Variants in ZFYVE28 observed in about 807,000 individuals in gnomAD.
The protein encoded by ZFYVE28 is lateral signaling target protein 2 homolog.
Under a neutral mutation model 82.1 loss-of-function variants are expected in ZFYVE28, and 40 were observed. The ratio of observed to expected loss-of-function variants is 0.49; its 90% CI spans 0.38 to 0.63. The LOEUF (loss-of-function observed/expected upper bound fraction) is 0.63. Among genes scored for constraint, ZFYVE28 ranks in the 30% least tolerant of loss-of-function variants. The pLI is 0.00. For synonymous variants in ZFYVE28, 612 were observed against 546.1 expected, an observed-to-expected ratio of 1.12 and a Z score of -1.68; for missense variants, 1,321 against 1,242.1, an observed-to-expected ratio of 1.06 and a Z score of -0.96.
rs866085074 is a variant in ZFYVE28, at chr4:2,332,965, G to T, written c.701+2740C>A. ...ACCCCCCTGGACAGGCCTGCTCCCT[G>T]GACTCTGGCTTTGGGCTCTTATGCC... On this transcript the variant is annotated intron_variant, in intron 6 of 12. Transcript: ENST00000290974. This position sits in a 1 kb window ranked among gnomAD's most constrained non-coding sequence, Gnocchi z 4.7. Among the ~76,000 whole-genome samples, 4 of 152,002 alleles carry T rather than the reference G, an allele frequency of 2.6e-5. No individual in the cohort carries two copies. The highest frequency in any genetic ancestry group is 3.2e-3 in the Middle Eastern group (1 of 316).
intron 8 of ZFYVE28, among the ~76,000 whole-genome samples, chr4:2,283,801 G>A (rs1712329069): frequency 1.3e-5 from 2 of 152,240 alleles, no homozygotes; most frequent in South Asian, 4.1e-4. Context: ...TCAGGCTGGA[G>A]AGAGGTCTGG....
chr4:2,384,295 T>C (rs1729027409), intron 1 of ZFYVE28, among the ~76,000 whole-genome samples: 1 of 152,114 alleles, frequency 6.6e-6, no homozygotes, highest in Non-Finnish European at 1.5e-5. Context: ...AGGAAACTGG[T>C]TTTGTAGGAA....
chr4:2,323,609 T>C (rs1274342560), intron 6 of ZFYVE28, among the ~76,000 whole-genome samples: 2 of 151,984 alleles, frequency 1.3e-5, no homozygotes, highest in Admixed American at 1.3e-4. Flanking sequence ...TAGTTACATA[T>C]GTATACATGT....
intron 1 of ZFYVE28, among the ~76,000 whole-genome samples, chr4:2,387,445 G>A (rs1729395201): frequency 6.6e-6 from 1 of 152,252 alleles, no homozygotes; most frequent in Non-Finnish European, 1.5e-5. Context: ...TGACGTCCTT[G>A]TCCTCGTGCT....
intron 1 of ZFYVE28, among the ~76,000 whole-genome samples, chr4:2,380,706 G>A (rs191307980): frequency 3.9e-5 from 6 of 152,274 alleles, no homozygotes; most frequent in South Asian, 2.1e-4. Context: ...TACTGTTCTC[G>A]TGTGAATAAG....
At chr4:2,385,247 C>T (rs923251627) in intron 1 of ZFYVE28, among the ~76,000 whole-genome samples, 2 of 152,210 alleles carry the variant, frequency 1.3e-5, no homozygotes, top group Non-Finnish European at 2.9e-5. Flanking sequence ...AGTGATGACC[C>T]TGGCCTGTAT....
chr4:2,315,762 T>C (rs187718311), intron 7 of ZFYVE28, among the ~76,000 whole-genome samples: 1 of 152,324 alleles, frequency 6.6e-6, no homozygotes. Flanking sequence ...GTATGCTGGT[T>C]GGTTTTTTGT....
intron 6 of ZFYVE28, among the ~76,000 whole-genome samples, chr4:2,327,067 T>C (rs978422398): frequency 2.0e-5 from 3 of 151,502 alleles, no homozygotes; most frequent in African/African-American, 7.3e-5. Flanking sequence ...CTGGCCAATA[T>C]GGTGAAACCC....
intron 1 of ZFYVE28, among the ~76,000 whole-genome samples, chr4:2,392,976 C>A (rs943825824): frequency 6.6e-6 from 1 of 152,236 alleles, no homozygotes. Flanking sequence ...AAGCTTTTAT[C>A]TCTTTCCAGA....
chr4:2,304,569 T>A lies in ZFYVE28; in HGVS notation c.1771A>T (p.Ile591Phe), dbSNP rs1272668483. The A allele has an allele frequency of 1.9e-6, 3 of 1,612,682 alleles. No individual in the cohort carries two copies. The South Asian group carries it at 3.3e-5, about 18-fold the overall frequency. Residue 591 changes from isoleucine (I) to phenylalanine (F), a missense_variant, in exon 8 of 13, where the codon ATT becomes TTT. Physicochemically the swap from Ile to Phe is conservative, Grantham distance 21 (BLOSUM62 0). This residue lies in a region of ZFYVE28 where 978 missense variants were observed against 833.7 expected (regional missense o/e 1.17). Coordinates refer to ENST00000290974, the MANE Select transcript of ZFYVE28 (RefSeq NM_020972.3). ...AAGCCGGCAGCGTACGAGGCACCAA[T>A]GACGCCTCCCGGGCTGCACTTCTCC... is the stretch of plus-strand genomic sequence containing the variant. Reference protein sequence around the residue: ...LREKCSPGGVIGASYAAGLAK... With the variant: ...LREKCSPGGVFGASYAAGLAK...
Position 2,402,018 on chromosome 4 carries a change from A to T in ZFYVE28, c.39+16267T>A, listed in dbSNP as rs570305619. ...CGACCCTGAGGCTTTGTCATGCTGC[A>T]GTCTCTGCTGTCAAGAGACACAGAG... On this transcript the variant is annotated intron_variant, in intron 1 of 12. Transcript: ENST00000290974. 3.5e-4 allele frequency among the ~76,000 whole-genome samples: 54 copies of T among 152,374 alleles called. 1 individual carries two copies. The highest frequency in any genetic ancestry group is 1.2e-3 in the African/African-American group (49 of 41,598).
At chr4:2,376,394 A>T (rs1295503654) in intron 1 of ZFYVE28, among the ~76,000 whole-genome samples, 1 of 118,292 alleles carries the variant, frequency 8.5e-6, no homozygotes, top group Non-Finnish European at 1.8e-5. Context: ...AAAAAAAAAA[A>T]AAAAGTTTTT....
At chr4:2,361,991 G>A (rs987371556) in intron 1 of ZFYVE28, among the ~76,000 whole-genome samples, 14 of 152,034 alleles carry the variant, frequency 9.2e-5, no homozygotes, top group African/African-American at 2.9e-4. Flanking sequence ...AACAAGGGAC[G>A]GAAGCCCAGT....
rs1325450276 is a variant in ZFYVE28 at position 2,332,768 on chromosome 4, G to A, written c.701+2937C>T. ...CCCCAGTGAGCATCCCAGAGGGGCG[G>A]CCTTAGGAACAGCTGCCCACTCAGC... On this transcript the variant is annotated intron_variant, in intron 6 of 12. Coordinates refer to ENST00000290974, the MANE Select transcript of ZFYVE28 (RefSeq NM_020972.3). The surrounding 1 kb of genome is among the most constrained non-coding windows in gnomAD (Gnocchi z 4.7). Among the ~76,000 whole-genome samples the A allele has an allele frequency of 6.6e-6, 1 of 152,098 alleles. No individual in the cohort carries two copies. Among genetic ancestry groups the A allele is most frequent in the Non-Finnish European group, 1.5e-5 (1 of 68,010 alleles).
chr4:2,385,921 C>T (rs904625830), intron 1 of ZFYVE28, among the ~76,000 whole-genome samples: 9 of 152,180 alleles, frequency 5.9e-5, no homozygotes, highest in South Asian at 2.1e-4. Context: ...GTTCACAAAG[C>T]GGAGTCTTTG....
chr4:2,315,293 G>C lies in ZFYVE28; in HGVS notation c.803+4877C>G, dbSNP rs565829649. ...TTCCTTCAGCAGTTTTTTTTGTTTT[G>C]TTTTCTTTTTGAAACAGAGTCTCAC... On this transcript the variant is annotated intron_variant, in intron 7 of 12. Transcript: ENST00000290974. 1.8e-4 allele frequency among the ~76,000 whole-genome samples: 27 copies of C among 151,910 alleles called. 1 individual carries two copies. In the Middle Eastern group the frequency reaches 0.014, roughly 77 times the overall value.
At chr4:2,316,979 G>C (rs866686163) in intron 7 of ZFYVE28, among the ~76,000 whole-genome samples, 2 of 123,270 alleles carry the variant, frequency 1.6e-5, no homozygotes, top group African/African-American at 6.5e-5. Flanking sequence ...GTATTTTCTT[G>C]TTTCTTTAAC....
chr4:2,359,353 T>C (rs1036352468), intron 1 of ZFYVE28, among the ~76,000 whole-genome samples: 1 of 152,162 alleles, frequency 6.6e-6, no homozygotes, highest in East Asian at 1.9e-4. Flanking sequence ...CTGGAACTCC[T>C]GGGCTCAAGC....
intron 1 of ZFYVE28, among the ~76,000 whole-genome samples, chr4:2,404,547 C>T (rs1253426084): frequency 2.0e-5 from 3 of 152,160 alleles, no homozygotes; most frequent in African/African-American, 4.8e-5. Flanking sequence ...ACACATGCTA[C>T]AACATGGATG....
Sources: gnomAD v4.1 joint callset for allele counts (sites outside exome capture counted in the v4.1 genomes callset) on GRCh38, gnomAD v4.1.1 for gene constraint, gnomAD v4.1.1 regional missense constraint, Gnocchi (gnomAD v3.1) non-coding constraint, MANE v1.5 for transcripts, NCBI Gene and HGNC (gene_info 2026-07-23, HGNC 2026-07-21) for gene names.